RNF19B: variants seen among roughly 807,000 people sequenced by gnomAD.
RNF19B encodes the protein E3 ubiquitin-protein ligase RNF19B.
A neutral mutation model predicts 65.5 loss-of-function variants in RNF19B; 23 were observed. The ratio of observed to expected loss-of-function variants is 0.35; its 90% CI spans 0.25 to 0.50. RNF19B has a LOEUF of 0.50. RNF19B is among the 20% of genes least tolerant of loss of function. The pLI, the probability that RNF19B is intolerant of heterozygous loss-of-function variation, is 0.98. For missense variants in RNF19B, 794 were observed against 980.0 expected (o/e 0.81, Z 2.53); for synonymous variants, 372 against 379.6 (o/e 0.98, Z 0.23).
chr1:32,939,136 C>T lies in RNF19B; in HGVS notation c.1611-608G>A, dbSNP rs987002595. ...GGAACTATCACTTCCCCTCATTATC[C>T]CAGCAAACCATTCACTTCTTGCTAA... On this transcript the variant is annotated intron_variant, in intron 7 of 8. Coordinates refer to ENST00000235150, the MANE Select transcript of RNF19B (RefSeq NM_001300826.2). Among the ~76,000 whole-genome samples the T allele has an allele frequency of 4.6e-5, 7 of 152,146 alleles. No individual in the cohort carries two copies. The South Asian group carries it at 1.4e-3, about 31-fold the overall frequency.
chr1:32,964,283 G>A lies in RNF19B; in HGVS notation c.403C>T (p.Leu135Phe), dbSNP rs1322209746. The change falls in exon 1 of 9, where the codon CTC (leucine) becomes TTC (phenylalanine). Residue 135 changes from leucine (L) to phenylalanine (F), a missense_variant. Transcript: ENST00000235150. This position sits in a 1 kb window ranked among gnomAD's most constrained non-coding sequence, Gnocchi z 6.5. ...RLPPERAPRL[L>F]SCPHRSCRDC... ...CGGCACGAGCGGTGCGGACAGCTGA[G>A]GAGGCGCGGGGCCCGCTCAGGCGGC... 9 of 1,528,576 alleles carry A rather than the reference G, an allele frequency of 5.9e-6. No homozygotes were observed. Among genetic ancestry groups the A allele is most frequent in the Non-Finnish European group, 7.0e-6 (8 of 1,141,010 alleles). The allele number at this position is 1,528,576 out of a possible 1,614,324, so 94.7% of individuals were successfully genotyped here. A position where few individuals can be genotyped will look rare whatever the true frequency, so the allele number is the denominator to read the frequency against.
chr1:32,936,679 A>G lies in RNF19B; in HGVS notation c.*127T>C. The G allele has an allele frequency of 1.0e-6, 1 of 982,606 alleles. No homozygotes were observed. Among genetic ancestry groups the G allele is most frequent in the Non-Finnish European group, 1.4e-6 (1 of 720,732 alleles). 60.9% of individuals were successfully genotyped at this position (982,606 alleles called of 1,614,324 possible). A position where few individuals can be genotyped will look rare whatever the true frequency, so the allele number is the denominator to read the frequency against. ...GAATTTCTCAGAATTTCCCTGGGCA[A>G]AAACCTGTGACCAGAGAATCTGTGA... On this transcript the variant is annotated 3_prime_UTR_variant, in exon 9 of 9. Coordinates refer to ENST00000235150, the MANE Select transcript of RNF19B (RefSeq NM_001300826.2).
Position 32,951,395 on chromosome 1 carries a change from A to G in RNF19B, c.636-1621T>C, listed in dbSNP as rs376092433. ...CAGCAGGAGCAGCAGCTCTTCTTGC[A>G]GGAGGTGCATTTGCACTCTTTGCAC... On this transcript the variant is annotated intron_variant, in intron 1 of 8. Coordinates refer to ENST00000235150, the MANE Select transcript of RNF19B (RefSeq NM_001300826.2). 2.4e-4 allele frequency among the ~76,000 whole-genome samples: 36 copies of G among 152,096 alleles called. No individual in the cohort carries two copies. In the East Asian group the frequency reaches 6.6e-3, roughly 28 times the overall value.
chr1:32,944,198 G>A, intron 5 of RNF19B, 39 bp from the exon 6 acceptor site: 1 of 1,576,884 alleles, frequency 6.3e-7, no homozygotes, highest in African/African-American at 1.4e-5. Context: ...TGGCTATTAG[G>A]TTGCAAGTGC....
chr1:32,959,435 T>C (rs1642718295), intron 1 of RNF19B, among the ~76,000 whole-genome samples: 1 of 152,164 alleles, frequency 6.6e-6, no homozygotes, highest in African/African-American at 2.4e-5. Context: ...TACAGTTACC[T>C]GACTTCGGGG....
downstream of RNF19B, among the ~76,000 whole-genome samples, chr1:32,933,123 T>G (rs1005117353): frequency 6.6e-6 from 1 of 152,208 alleles, no homozygotes; most frequent in Non-Finnish European, 1.5e-5. Flanking sequence ...AGAGTCTAAG[T>G]TCCATGGGGA....
chr1:32,953,199 T>C (rs194650), intron 1 of RNF19B, among the ~76,000 whole-genome samples: 28,576 of 151,498 alleles, frequency 0.19, 3,462 homozygotes, highest in East Asian at 0.33. Flanking sequence ...GTCTGGAACT[T>C]CTGTCTTCAA....
In RNF19B at chr1:32,954,529, A is replaced by G. The variant is rs12141539; in HGVS notation, c.636-4755T>C. Reference sequence around the variant, plus strand: ...CGAGGCAGGTGGATCACCTGAGGTCAGGAGTTCAAGACCAGCCTGGCCAAC... The same window carrying G: ...CGAGGCAGGTGGATCACCTGAGGTCGGGAGTTCAAGACCAGCCTGGCCAAC... On this transcript the variant is annotated intron_variant, in intron 1 of 8. Coordinates refer to ENST00000235150, the MANE Select transcript of RNF19B (RefSeq NM_001300826.2). Among the ~76,000 whole-genome samples, 1,267 of 151,884 alleles carry G rather than the reference A, an allele frequency of 8.3e-3. 20 individuals are homozygous for G. The highest frequency in any genetic ancestry group is 0.014 in the Non-Finnish European group (973 of 67,860).
downstream of RNF19B, among the ~76,000 whole-genome samples, chr1:32,935,134 ATTTTATT>A (rs1356525855): frequency 6.7e-6 from 1 of 148,216 alleles, no homozygotes; most frequent in African/African-American, 2.5e-5. Flanking sequence ...CCAGCCCATT[ATTTTATT>A]TTTTATTTTA....
chr1:32,939,208 G>A (rs1358267073), intron 7 of RNF19B, among the ~76,000 whole-genome samples: 1 of 152,038 alleles, frequency 6.6e-6, no homozygotes, highest in Non-Finnish European at 1.5e-5. Flanking sequence ...TTTGTTTTTA[G>A]AGGGAGTCTC....
intron 3 of RNF19B, among the ~76,000 whole-genome samples, chr1:32,947,006 C>T (rs1246293791): frequency 6.6e-6 from 1 of 152,184 alleles, no homozygotes; most frequent in Non-Finnish European, 1.5e-5. Flanking sequence ...AAACCATGTT[C>T]GTGGGAGAGG....
intron 1 of RNF19B, among the ~76,000 whole-genome samples, chr1:32,958,085 T>C (rs974235950): frequency 6.6e-6 from 1 of 152,220 alleles, no homozygotes; most frequent in African/African-American, 2.4e-5. Context: ...ATAAGGTTTA[T>C]GGTTAAATAA....
chr1:32,938,349 C>T (rs755654553), intron 8 of RNF19B, 48 bp downstream of exon 8: 2 of 1,611,640 alleles, frequency 1.2e-6, no homozygotes, highest in Non-Finnish European at 1.7e-6. Context: ...AGACCTAGTA[C>T]CCAACGAAAA....
intron 1 of RNF19B, among the ~76,000 whole-genome samples, chr1:32,954,011 C>T (rs753088268): frequency 5.4e-5 from 8 of 147,972 alleles, no homozygotes; most frequent in African/African-American, 7.5e-5. Flanking sequence ...TGGGTTCAAG[C>T]GATTCTCCTG....
At chr1:32,951,083 C>T (rs1334408058) in intron 1 of RNF19B, among the ~76,000 whole-genome samples, 1 of 151,308 alleles carries the variant, frequency 6.6e-6, no homozygotes, top group African/African-American at 2.4e-5. Flanking sequence ...ATGATCCGCC[C>T]TCCTCGGCCT....
At chr1:32,946,045 T>G (rs937501588) in intron 4 of RNF19B, among the ~76,000 whole-genome samples, 5 of 152,074 alleles carry the variant, frequency 3.3e-5, no homozygotes, top group African/African-American at 1.2e-4. Flanking sequence ...TCTATTTTTT[T>G]GGGTACAGAT....
chr1:32,941,019 T>G (rs1642217870), intron 7 of RNF19B, among the ~76,000 whole-genome samples: 1 of 152,068 alleles, frequency 6.6e-6, no homozygotes, highest in African/African-American at 2.4e-5. Flanking sequence ...GGCCAGGAGT[T>G]TAAGACCAGC....
At chr1:32,952,804 T>C (rs1036136661) in intron 1 of RNF19B, among the ~76,000 whole-genome samples, 1 of 150,178 alleles carries the variant, frequency 6.7e-6, no homozygotes, top group Non-Finnish European at 1.5e-5. Context: ...TCACAGCTAC[T>C]TGGGAGGCTG....
rs771734740 is a variant in RNF19B at position 32,936,951 on chromosome 1, C to A, written c.2051G>T (p.Cys684Phe). 5 of 1,613,900 alleles carry A rather than the reference C, an allele frequency of 3.1e-6. No individual in the cohort carries two copies. Among genetic ancestry groups the A allele is most frequent in the African/African-American group, 1.3e-5 (1 of 74,858 alleles). The change falls in exon 9 of 9, where the codon TGT (cysteine) becomes TTT (phenylalanine). Residue 684 changes from cysteine to phenylalanine, a missense_variant. By Grantham distance (205) the Cys-to-Phe change is radical. Coordinates refer to ENST00000235150, the MANE Select transcript of RNF19B (RefSeq NM_001300826.2). ...TGCAGTATGGGAGCGGGGGGAGCCA[C>A]ACTCATCTGAGGTGATGTCTGGCAC... The part of the protein sequence containing the change: ...DDVPDITSDE[C>F]GSPRSHTAAC...
Sources: gnomAD v4.1 joint callset for allele counts (sites outside exome capture counted in the v4.1 genomes callset) on GRCh38, gnomAD v4.1.1 for gene constraint, Gnocchi (gnomAD v3.1) non-coding constraint, MANE v1.5 for transcripts, NCBI Gene and HGNC (gene_info 2026-07-23, HGNC 2026-07-21) for gene names.